SLC9A9: variants seen among roughly 807,000 people sequenced by gnomAD.
The protein encoded by SLC9A9 is sodium/hydrogen exchanger 9.
In SLC9A9, 62 loss-of-function variants were observed where a neutral mutation model predicts 77.8. The observed-to-expected ratio is 0.80, with a 90% confidence interval of 0.65 to 0.98. The LOEUF is 0.98. SLC9A9 is among the 50% of genes least tolerant of loss of function. The pLI, the probability that SLC9A9 is intolerant of heterozygous loss-of-function variation, is 0.00. For missense variants in SLC9A9, 775 were observed against 774.9 expected (o/e 1.00, Z 0.00); for synonymous variants, 320 against 283.5 (o/e 1.13, Z -1.29).
At chr3:143,627,611 G>C (rs1296397799) in intron 6 of SLC9A9, 3 of 312,366 alleles carry the variant, frequency 9.6e-6, no homozygotes, top group Admixed American at 6.9e-5. Flanking sequence ...AAATGAAATT[G>C]GAAGAGCCAA....
intron 4 of SLC9A9, among the ~76,000 whole-genome samples, chr3:143,706,269 A>G (rs190294629): frequency 6.6e-6 from 1 of 152,162 alleles, no homozygotes; most frequent in Non-Finnish European, 1.5e-5. Flanking sequence ...CATTACAGAG[A>G]TCGATCGGGG....
intron 14 of SLC9A9, among the ~76,000 whole-genome samples, chr3:143,353,252 G>A (rs61447765): frequency 0.41 from 62,915 of 152,038 alleles, 14,436 homozygotes; most frequent in African/African-American, 0.62. Context: ...TGGCTTCCAT[G>A]GCACTTGCTG....
At chr3:143,489,814 C>T (rs2035709879) in intron 11 of SLC9A9, among the ~76,000 whole-genome samples, 1 of 151,912 alleles carries the variant, frequency 6.6e-6, no homozygotes, top group Admixed American at 6.6e-5. Flanking sequence ...ATAGAAAACT[C>T]CTATAACTCT....
At chr3:143,677,246 A>C (rs575200309) in intron 5 of SLC9A9, among the ~76,000 whole-genome samples, 2 of 152,158 alleles carry the variant, frequency 1.3e-5, no homozygotes, top group African/African-American at 4.8e-5. Flanking sequence ...ACAGATATGC[A>C]TGGGGGTTAT....
chr3:143,510,222 A>T (rs6767943), intron 9 of SLC9A9, among the ~76,000 whole-genome samples: 38,804 of 152,118 alleles, frequency 0.26, 6,046 homozygotes, highest in Non-Finnish European at 0.36. Flanking sequence ...ATACAGACAG[A>T]TTCTTATATT....
rs181251648 is a variant in SLC9A9 at position 143,823,090 on chromosome 3, A to G, written c.378+8929T>C. On this transcript the variant is annotated intron_variant, in intron 2 of 15. Transcript: ENST00000316549. ...AGGAGCTACTGACAAGCAGAGAATG[A>G]TAGATACCTGGTTACATCATCCATT... 2.3e-3 allele frequency among the ~76,000 whole-genome samples: 354 copies of G among 152,334 alleles called. 1 individual carries two copies. Among genetic ancestry groups the G allele is most frequent in the African/African-American group, 7.7e-3 (322 of 41,566 alleles).
Position 143,495,873 on chromosome 3 carries a change from GT to G in SLC9A9, c.1090-426del, listed in dbSNP as rs569269076. On this transcript the variant is annotated intron_variant, in intron 9 of 15. Transcript: ENST00000316549. ...TTGACTTCCCAGGTACTGAACAACT[GT>G]TTTTTTTAAGCTTAAACTAAATTAC... is the stretch of plus-strand genomic sequence containing the variant. Among the ~76,000 whole-genome samples the G allele has an allele frequency of 5.3e-3, 808 of 152,034 alleles. 8 individuals carry two copies. The highest frequency in any genetic ancestry group is 0.018 in the African/African-American group (757 of 41,476).
intron 4 of SLC9A9, among the ~76,000 whole-genome samples, chr3:143,703,412 G>T (rs548802063): frequency 2.0e-5 from 3 of 151,876 alleles, no homozygotes; most frequent in African/African-American, 7.2e-5. Flanking sequence ...GTAACAAGGA[G>T]AATTTTGGAA....
intron 8 of SLC9A9, among the ~76,000 whole-genome samples, chr3:143,569,948 C>A (rs1304115865): frequency 6.6e-6 from 1 of 151,316 alleles, no homozygotes; most frequent in Non-Finnish European, 1.5e-5. Flanking sequence ...GTAGCTAGGG[C>A]CACAGTGTGT....
At chr3:143,545,496 GC>G (rs1252464415) in intron 9 of SLC9A9, among the ~76,000 whole-genome samples, 1 of 152,236 alleles carries the variant, frequency 6.6e-6, no homozygotes, top group Non-Finnish European at 1.5e-5. Flanking sequence ...CTGGCTTCCA[GC>G]ATGGTGCCAA....
chr3:143,712,031 T>C lies in SLC9A9; in HGVS notation c.534-18724A>G, dbSNP rs533153030. Among the ~76,000 whole-genome samples the C allele has an allele frequency of 5.9e-4, 90 of 152,278 alleles. 1 individual carries two copies. The highest frequency in any genetic ancestry group is 1.9e-3 in the African/African-American group (80 of 41,546). ...TATGGCCCTGCAACCTACCCACTAA[T>C]CCCTATCACCTCGATATATGGACTG... On this transcript the variant is annotated intron_variant, in intron 4 of 15. Transcript: ENST00000316549.
Position 143,338,902 on chromosome 3 carries a change from T to G in SLC9A9, c.1604+24582A>C, listed in dbSNP as rs2032006934. ...GAACCCATGTGTTTTGAATCCATGT[T>G]CCTCAACATCACACCACCTTTAACT... On this transcript the variant is annotated intron_variant, in intron 14 of 15. Coordinates refer to ENST00000316549, the MANE Select transcript of SLC9A9 (RefSeq NM_173653.4). Among the ~76,000 whole-genome samples the G allele has an allele frequency of 2.6e-5, 4 of 152,192 alleles. No homozygotes were observed. In the South Asian group the frequency reaches 8.3e-4, roughly 32 times the overall value.
At chr3:143,807,843 C>A (rs1868183) in intron 2 of SLC9A9, among the ~76,000 whole-genome samples, 1 of 152,132 alleles carries the variant, frequency 6.6e-6, no homozygotes, top group East Asian at 1.9e-4. Context: ...ATAGCATGGG[C>A]AGATGGGGTT....
At chr3:143,313,448 T>C (rs1290331205) in intron 14 of SLC9A9, 1 of 152,220 alleles carries the variant, frequency 6.6e-6, no homozygotes, top group Non-Finnish European at 1.5e-5. Flanking sequence ...GGCAGAGTCA[T>C]CTAAGTTACA....
chr3:143,496,248 A>G (rs1354478374), intron 9 of SLC9A9, among the ~76,000 whole-genome samples: 1 of 152,218 alleles, frequency 6.6e-6, no homozygotes, highest in Non-Finnish European at 1.5e-5. Context: ...ACGTTCTCCA[A>G]CTTTCAGATT....
chr3:143,794,864 GA>G (rs144423685), intron 4 of SLC9A9, 136 bp downstream of exon 4: 1 of 803,406 alleles, frequency 1.2e-6, no homozygotes, highest in Non-Finnish European at 2.1e-6. Context: ...AATTAAGTCA[GA>G]AAAAACATAC....
At chr3:143,663,356 G>A (rs2039010997) in intron 5 of SLC9A9, among the ~76,000 whole-genome samples, 2 of 152,220 alleles carry the variant, frequency 1.3e-5, no homozygotes, top group African/African-American at 2.4e-5. Flanking sequence ...CAAAGATGGG[G>A]AGAAACAAGA....
intron 12 of SLC9A9, among the ~76,000 whole-genome samples, chr3:143,410,146 T>A (rs757331482): frequency 6.6e-6 from 1 of 152,118 alleles, no homozygotes. Context: ...GAGGAGAGGG[T>A]TGGAGAGGAT....
intron 6 of SLC9A9, among the ~76,000 whole-genome samples, chr3:143,612,033 T>G (rs2038030622): frequency 6.6e-6 from 1 of 152,146 alleles, no homozygotes; most frequent in African/African-American, 2.4e-5. Context: ...CTAGGAAACT[T>G]TGAAGTTAAA....
Sources: gnomAD v4.1 joint callset for allele counts (sites outside exome capture counted in the v4.1 genomes callset) on GRCh38, gnomAD v4.1.1 for gene constraint, MANE v1.5 for transcripts, NCBI Gene and HGNC (gene_info 2026-07-23, HGNC 2026-07-21) for gene names.